Variants in ABTB2 observed in about 807,000 individuals in gnomAD.
The protein encoded by ABTB2 is ankyrin repeat and BTB/POZ domain-containing protein 2.
Under a neutral mutation model 104.1 loss-of-function variants are expected in ABTB2, and 56 were observed. That is an observed-to-expected ratio of 0.54 (90% confidence interval 0.43 to 0.67). The LOEUF (loss-of-function observed/expected upper bound fraction) is 0.67. Ranked by LOEUF, ABTB2 falls within the 30% of genes least tolerant of loss-of-function variation. ABTB2 has a pLI of 0.00. For synonymous variants in ABTB2, 606 were observed against 608.2 expected, an observed-to-expected ratio of 1.00 and a Z score of 0.05; for missense variants, 1,279 against 1,407.7, an observed-to-expected ratio of 0.91 and a Z score of 1.46.
At chr11:34,312,033 C>T (rs1291688497) in intron 1 of ABTB2, among the ~76,000 whole-genome samples, 2 of 151,568 alleles carry the variant, frequency 1.3e-5, no homozygotes, top group East Asian at 3.9e-4. Context: ...CCAAGCTACT[C>T]AGGAGGCTAA....
intron 1 of ABTB2, among the ~76,000 whole-genome samples, chr11:34,346,834 G>C (rs1855338166): frequency 6.6e-6 from 1 of 152,154 alleles, no homozygotes; most frequent in African/African-American, 2.4e-5. Context: ...GATTGTTCCG[G>C]ATGCTTGTGC....
At chr11:34,173,901 G>A (rs1475992730) in intron 3 of ABTB2, among the ~76,000 whole-genome samples, 1 of 152,152 alleles carries the variant, frequency 6.6e-6, no homozygotes, top group Non-Finnish European at 1.5e-5. Flanking sequence ...AGGCTGTCAT[G>A]AGGCCAAATG....
At chr11:34,220,488 C>T (rs1031333343) in intron 1 of ABTB2, among the ~76,000 whole-genome samples, 1 of 152,210 alleles carries the variant, frequency 6.6e-6, no homozygotes, top group African/African-American at 2.4e-5. Flanking sequence ...TTTTGCTCTT[C>T]TTATTGCCTC....
chr11:34,276,843 G>T (rs1854387904), intron 1 of ABTB2, among the ~76,000 whole-genome samples: 1 of 152,160 alleles, frequency 6.6e-6, no homozygotes, highest in South Asian at 2.1e-4. Flanking sequence ...ATGCGAACCT[G>T]CAGGTCCATG....
intron 1 of ABTB2, among the ~76,000 whole-genome samples, chr11:34,320,586 C>G (rs1854987387): frequency 6.6e-6 from 1 of 152,196 alleles, no homozygotes; most frequent in African/African-American, 2.4e-5. Context: ...CTTGAAAGCT[C>G]AAGGTGCCAT....
chr11:34,294,569 G>A (rs922984127), intron 1 of ABTB2, among the ~76,000 whole-genome samples: 1 of 152,086 alleles, frequency 6.6e-6, no homozygotes, highest in Non-Finnish European at 1.5e-5. Context: ...GAGGCCAGGT[G>A]AAAAGACTTT....
chr11:34,186,392 C>T (rs182307256), intron 3 of ABTB2, among the ~76,000 whole-genome samples: 89 of 152,340 alleles, frequency 5.8e-4, no homozygotes, highest in African/African-American at 1.8e-3. Flanking sequence ...CAGATACCAC[C>T]CAGCTCCTGT....
intron 9 of ABTB2, 37 bp from the exon 10 acceptor site, chr11:34,162,842 G>A: frequency 1.3e-6 from 2 of 1,558,114 alleles, no homozygotes; most frequent in Non-Finnish European, 1.7e-6. Context: ...GAGGGCTGAA[G>A]TCCCACAGGC....
intron 1 of ABTB2, among the ~76,000 whole-genome samples, chr11:34,341,137 G>A (rs907510585): frequency 4.6e-5 from 7 of 152,176 alleles, no homozygotes; most frequent in African/African-American, 1.7e-4. Flanking sequence ...CAAGCCTTAT[G>A]CTAACTGTTT....
At chr11:34,298,900 C>T (rs570204380) in intron 1 of ABTB2, among the ~76,000 whole-genome samples, 1 of 152,310 alleles carries the variant, frequency 6.6e-6, no homozygotes, top group Non-Finnish European at 1.5e-5. Flanking sequence ...TAATAAAGAT[C>T]CCTTATCTAA....
chr11:34,323,187 G>A (rs915225431), intron 1 of ABTB2, among the ~76,000 whole-genome samples: 4 of 152,116 alleles, frequency 2.6e-5, no homozygotes, highest in African/African-American at 7.2e-5. Flanking sequence ...AATTACAGGC[G>A]TGAGTCACTG....
chr11:34,234,305 G>T (rs1360945678), intron 1 of ABTB2, among the ~76,000 whole-genome samples: 1 of 152,136 alleles, frequency 6.6e-6, no homozygotes, highest in African/African-American at 2.4e-5. Context: ...GGAAAGCATG[G>T]GGGGATGCCA....
At chr11:34,219,765 C>A (rs546718695) in intron 1 of ABTB2, among the ~76,000 whole-genome samples, 73 of 152,226 alleles carry the variant, frequency 4.8e-4, no homozygotes, top group Non-Finnish European at 8.5e-4. Context: ...GAAGCTATAC[C>A]ATCTAGGTTT....
intron 1 of ABTB2, among the ~76,000 whole-genome samples, chr11:34,247,057 G>A (rs575764307): frequency 6.6e-6 from 1 of 152,150 alleles, no homozygotes; most frequent in African/African-American, 2.4e-5. Flanking sequence ...ATGTTGGTCA[G>A]GCTGGTCTTG....
At chr11:34,162,553 T>A in intron 10 of ABTB2, 23 bp downstream of exon 10, 1 of 1,606,860 alleles carries the variant, frequency 6.2e-7, no homozygotes, top group South Asian at 1.1e-5. Flanking sequence ...TGGACATGGG[T>A]GTGCATGCCC....
chr11:34,182,500 G>GC (rs1169836567), intron 3 of ABTB2, among the ~76,000 whole-genome samples: 4 of 138,674 alleles, frequency 2.9e-5, no homozygotes, highest in African/African-American at 1.1e-4. Context: ...GGTTCTCTGG[G>GC]GGGGGGGGGA....
intron 9 of ABTB2, among the ~76,000 whole-genome samples, chr11:34,164,173 C>T (rs1852763715): frequency 6.6e-6 from 1 of 152,064 alleles, no homozygotes; most frequent in African/African-American, 2.4e-5. Context: ...TCCCTTTGCC[C>T]CTCCGTGCTG....
At chr11:34,341,811 T>G (rs1855265122) in intron 1 of ABTB2, among the ~76,000 whole-genome samples, 1 of 152,110 alleles carries the variant, frequency 6.6e-6, no homozygotes, top group Non-Finnish European at 1.5e-5. Context: ...TTTTTCTTAC[T>G]CCCAAGCAAA....
intron 4 of ABTB2, 130 bp downstream of exon 4, chr11:34,173,025 G>T: frequency 8.3e-7 from 1 of 1,201,702 alleles, no homozygotes; most frequent in Non-Finnish European, 1.2e-6. Context: ...GACACCCTTA[G>T]AACAGCTCAA....
Sources: allele counts gnomAD v4.1 joint callset (sites outside exome capture counted in the v4.1 genomes callset), GRCh38; gene constraint gnomAD v4.1.1; transcripts MANE v1.5; gene names NCBI Gene and HGNC (gene_info 2026-07-23, HGNC 2026-07-21).